KIAA1328: variants seen among roughly 807,000 people sequenced by gnomAD.
KIAA1328 encodes KIAA1328, also known as protein hinderin.
Under a neutral mutation model 68.1 loss-of-function variants are expected in KIAA1328, and 52 were observed. The ratio of observed to expected loss-of-function variants is 0.76; its 90% CI spans 0.61 to 0.96. The LOEUF is 0.96. Ranked by LOEUF, KIAA1328 falls within the 40% of genes least tolerant of loss-of-function variation. KIAA1328 has a pLI of 0.00. For synonymous variants in KIAA1328, 232 were observed against 239.4 expected (o/e 0.97, Z 0.28); for missense variants, 641 against 677.6 (o/e 0.95, Z 0.60).
chr18:36,992,091 C>T (rs1043556280), intron 6 of KIAA1328, among the ~76,000 whole-genome samples: 8 of 152,054 alleles, frequency 5.3e-5, no homozygotes, highest in Non-Finnish European at 7.4e-5. Flanking sequence ...AGTTTTTGCC[C>T]ACTTTTCTTT....
At chr18:36,829,580 G>A (rs988808253) in intron 1 of KIAA1328, 2 of 409,112 alleles carry the variant, frequency 4.9e-6, no homozygotes, top group Admixed American at 5.8e-5. Context: ...GGGAGGAGTC[G>A]GTGTTGGCTG....
rs148062916 is a variant in KIAA1328 at position 37,111,232 on chromosome 18, A to C, written c.1232+43687A>C. 2.2e-3 allele frequency among the ~76,000 whole-genome samples: 330 copies of C among 152,318 alleles called. 1 individual carries two copies. The highest frequency in any genetic ancestry group is 7.6e-3 in the African/African-American group (314 of 41,586). ...AGGCTATCAAGAAGATCAGGCTGGAACTTAGGAACAGGCTGAAGCTGCTAT... is the reference window on the plus strand; with the variant it reads ...AGGCTATCAAGAAGATCAGGCTGGACCTTAGGAACAGGCTGAAGCTGCTAT... On this transcript the variant is annotated intron_variant, in intron 7 of 9. Transcript: ENST00000280020.
At chr18:36,916,376 G>A (rs2049700829) in intron 5 of KIAA1328, among the ~76,000 whole-genome samples, 2 of 151,958 alleles carry the variant, frequency 1.3e-5, no homozygotes, top group Non-Finnish European at 2.9e-5. Flanking sequence ...AGCTTTTTCA[G>A]TGAAATTTTT....
intron 6 of KIAA1328, among the ~76,000 whole-genome samples, chr18:37,045,561 T>C (rs2055434427): frequency 6.6e-6 from 1 of 152,158 alleles, no homozygotes; most frequent in African/African-American, 2.4e-5. Flanking sequence ...ATTGACTTCA[T>C]AGTACTTGAA....
chr18:37,028,395 A>G (rs1408019244), intron 6 of KIAA1328, among the ~76,000 whole-genome samples: 1 of 152,022 alleles, frequency 6.6e-6, no homozygotes, highest in Admixed American at 6.6e-5. Context: ...GTATCCTGAA[A>G]CTTTGTTGAA....
intron 9 of KIAA1328, 112 bp from the exon 10 acceptor site, chr18:37,221,904 TG>T: frequency 9.6e-7 from 1 of 1,045,410 alleles, no homozygotes; most frequent in South Asian, 1.5e-5. Context: ...ATCTTATGCA[TG>T]ATGTGATCTG....
chr18:36,919,694 T>C (rs111374623), intron 5 of KIAA1328, among the ~76,000 whole-genome samples: 7 of 152,200 alleles, frequency 4.6e-5, no homozygotes, highest in African/African-American at 1.7e-4. Flanking sequence ...CCACCAGCAG[T>C]GTATAAGCAT....
intron 5 of KIAA1328, among the ~76,000 whole-genome samples, chr18:36,889,770 T>C (rs1369898563): frequency 6.6e-6 from 1 of 152,194 alleles, no homozygotes; most frequent in African/African-American, 2.4e-5. Context: ...TTAATATGGA[T>C]GAGGGATGAG....
chr18:37,133,716 A>G (rs2058579182), intron 7 of KIAA1328, among the ~76,000 whole-genome samples: 1 of 151,740 alleles, frequency 6.6e-6, no homozygotes, highest in South Asian at 2.1e-4. Flanking sequence ...TAGTAGAGAC[A>G]GGGTTTCACC....
intron 6 of KIAA1328, among the ~76,000 whole-genome samples, chr18:37,024,625 G>A (rs551650801): frequency 6.2e-4 from 94 of 151,566 alleles, no homozygotes; most frequent in African/African-American, 2.2e-3. Context: ...AGAACATGCG[G>A]TGTTTGGTTT....
In KIAA1328 at chr18:37,224,620, G is replaced by T; in HGVS notation, c.*2393G>T. The T allele has an allele frequency of 1.0e-6, 1 of 981,116 alleles. No individual in the cohort carries two copies. Among genetic ancestry groups the T allele is most frequent in the South Asian group, 4.7e-5 (1 of 21,196 alleles). 60.8% of individuals were successfully genotyped at this position (981,116 alleles called of 1,614,324 possible). A position where few individuals can be genotyped will look rare whatever the true frequency, so the allele number is the denominator to read the frequency against. On this transcript the variant is annotated 3_prime_UTR_variant, in exon 10 of 10. Transcript: ENST00000280020. ...TACTTTGAAATATATACATACATATGAATGAAAGGTTGTTACAGAGCCTCA... is the reference window on the plus strand; with the variant it reads ...TACTTTGAAATATATACATACATATTAATGAAAGGTTGTTACAGAGCCTCA...
intron 4 of KIAA1328, among the ~76,000 whole-genome samples, chr18:36,878,667 G>A (rs1218726714): frequency 6.6e-6 from 1 of 151,898 alleles, no homozygotes; most frequent in East Asian, 1.9e-4. Flanking sequence ...ATGTAGGTTT[G>A]GTTTTTTCAC....
intron 7 of KIAA1328, among the ~76,000 whole-genome samples, chr18:37,077,574 T>C (rs1213723482): frequency 6.6e-6 from 1 of 151,996 alleles, no homozygotes; most frequent in African/African-American, 2.4e-5. Context: ...GATTGTATAT[T>C]TAGAAAACTC....
intron 7 of KIAA1328, among the ~76,000 whole-genome samples, chr18:37,140,959 C>G (rs1445395197): frequency 6.6e-6 from 1 of 152,104 alleles, no homozygotes; most frequent in Non-Finnish European, 1.5e-5. Context: ...GTGAATGTTT[C>G]TTCAGTGTGT....
chr18:36,948,408 T>G (rs1453192865), intron 5 of KIAA1328, among the ~76,000 whole-genome samples: 1 of 151,452 alleles, frequency 6.6e-6, no homozygotes, highest in Non-Finnish European at 1.5e-5. Context: ...ATTACAGGCA[T>G]GCGCCACCAC....
intron 6 of KIAA1328, among the ~76,000 whole-genome samples, chr18:37,065,626 G>A (rs530979734): frequency 6.6e-6 from 1 of 152,330 alleles, no homozygotes; most frequent in African/African-American, 2.4e-5. Flanking sequence ...CCTTGGAAGA[G>A]TCTGATCGTT....
intron 7 of KIAA1328, among the ~76,000 whole-genome samples, chr18:37,087,525 C>A (rs1304505893): frequency 6.6e-6 from 1 of 151,978 alleles, no homozygotes; most frequent in Non-Finnish European, 1.5e-5. Flanking sequence ...CTATTTTCAC[C>A]AAGTTCAGAT....
At chr18:37,136,575 C>G (rs542957958) in intron 7 of KIAA1328, among the ~76,000 whole-genome samples, 2 of 152,292 alleles carry the variant, frequency 1.3e-5, no homozygotes, top group African/African-American at 4.8e-5. Context: ...CTTGTTTCAT[C>G]AGTATATGTA....
At chr18:36,996,187 C>A (rs1355218820) in intron 6 of KIAA1328, among the ~76,000 whole-genome samples, 1 of 152,166 alleles carries the variant, frequency 6.6e-6, no homozygotes, top group Admixed American at 6.5e-5. Context: ...CTGTTAGACT[C>A]ATAATTATTT....
Sources: gnomAD v4.1 joint callset for allele counts (sites outside exome capture counted in the v4.1 genomes callset) on GRCh38, gnomAD v4.1.1 for gene constraint, MANE v1.5 for transcripts, NCBI Gene and HGNC (gene_info 2026-07-23, HGNC 2026-07-21) for gene names.